IMMP2L: variants seen among roughly 807,000 people sequenced by gnomAD.
IMMP2L encodes inner mitochondrial membrane peptidase subunit 2.
A neutral mutation model predicts 19.3 loss-of-function variants in IMMP2L; 18 were observed. That is an observed-to-expected ratio of 0.93 (90% CI 0.64 to 1.38). The LOEUF is 1.38. IMMP2L is among the 40% of genes most tolerant of loss of function. IMMP2L has a pLI of 0.00. For missense variants in IMMP2L, 233 were observed against 218.2 expected (o/e 1.07, Z -0.43); for synonymous variants, 76 against 73.0 (o/e 1.04, Z -0.21).
intron 3 of IMMP2L, among the ~76,000 whole-genome samples, chr7:111,431,746 T>C (rs1236955431): frequency 6.6e-6 from 1 of 151,834 alleles, no homozygotes; most frequent in Non-Finnish European, 1.5e-5. Context: ...TTCTAAACTT[T>C]ATAAAAAAGT....
intron 3 of IMMP2L, among the ~76,000 whole-genome samples, chr7:111,379,199 C>T (rs1159800347): frequency 7.1e-6 from 1 of 141,122 alleles, no homozygotes; most frequent in Non-Finnish European, 1.5e-5. Context: ...TCAAGTAACC[C>T]TTATGGTAAA....
chr7:111,342,931 T>TATA (rs1201639884), intron 3 of IMMP2L, among the ~76,000 whole-genome samples: 1 of 152,028 alleles, frequency 6.6e-6, no homozygotes, highest in Non-Finnish European at 1.5e-5. Context: ...ACAAACCATG[T>TATA]ATATGCTAAA....
At chr7:111,332,207 GACCAAAATAAA>G (rs561286982) in intron 3 of IMMP2L, among the ~76,000 whole-genome samples, 1 of 151,458 alleles carries the variant, frequency 6.6e-6, no homozygotes, top group African/African-American at 2.4e-5. Flanking sequence ...ACATCATCTA[GACCAAAATAAA>G]ACCTTCCTAG....
chr7:111,561,080 A>G (rs1585706796), intron 1 of IMMP2L, among the ~76,000 whole-genome samples: 2 of 152,180 alleles, frequency 1.3e-5, no homozygotes, highest in Non-Finnish European at 2.9e-5. Context: ...ACCTTGTGAG[A>G]GGAGCTGTGT....
At chr7:110,855,677 T>C (rs2131556422) in intron 5 of IMMP2L, among the ~76,000 whole-genome samples, 1 of 152,178 alleles carries the variant, frequency 6.6e-6, no homozygotes, top group Admixed American at 6.6e-5. Context: ...GACATTTTTA[T>C]TTTCCCAATC....
chr7:111,280,262 T>C (rs1819543636), intron 3 of IMMP2L, among the ~76,000 whole-genome samples: 1 of 152,174 alleles, frequency 6.6e-6, no homozygotes. Flanking sequence ...TCACATTTGT[T>C]GTTCCCTCTG....
chr7:110,982,035 G>A lies in IMMP2L; in HGVS notation c.240-18470C>T, dbSNP rs144868434. ...ATTTTATTAGGACATTTAAGGTGAAGCATACATTGCAAGATCTTTTTCAAA... is the reference window on the plus strand; with the variant it reads ...ATTTTATTAGGACATTTAAGGTGAAACATACATTGCAAGATCTTTTTCAAA... On this transcript the variant is annotated intron_variant, in intron 3 of 5. Transcript: ENST00000405709. Among the ~76,000 whole-genome samples, 1,079 of 152,238 alleles carry A rather than the reference G, an allele frequency of 7.1e-3. 14 individuals carry two copies. Among genetic ancestry groups the A allele is most frequent in the African/African-American group, 0.025 (1,042 of 41,550 alleles).
intron 3 of IMMP2L, among the ~76,000 whole-genome samples, chr7:111,070,555 G>A (rs1794866096): frequency 6.6e-6 from 1 of 152,134 alleles, no homozygotes; most frequent in African/African-American, 2.4e-5. Context: ...AAAACTTAGA[G>A]TAAGTTGTTT....
At chr7:111,154,374 T>C (rs530364722) in intron 3 of IMMP2L, among the ~76,000 whole-genome samples, 1 of 152,212 alleles carries the variant, frequency 6.6e-6, no homozygotes, top group Admixed American at 6.5e-5. Context: ...ACATACATAT[T>C]TTTAGGATCT....
At chr7:111,294,952 A>G (rs778073453) in intron 3 of IMMP2L, among the ~76,000 whole-genome samples, 1 of 151,954 alleles carries the variant, frequency 6.6e-6, no homozygotes, top group African/African-American at 2.4e-5. Flanking sequence ...CTAATATTTT[A>G]GCCTATGAAA....
chr7:111,205,200 T>G (rs1243202707), intron 3 of IMMP2L, among the ~76,000 whole-genome samples: 2 of 152,128 alleles, frequency 1.3e-5, no homozygotes. Flanking sequence ...TTCCACCTCT[T>G]TTATAAGGTC....
chr7:111,065,060 T>C (rs1195942135), intron 3 of IMMP2L, among the ~76,000 whole-genome samples: 1 of 152,298 alleles, frequency 6.6e-6, no homozygotes, highest in Non-Finnish European at 1.5e-5. Flanking sequence ...GAATGGGTAG[T>C]ACAAGAAGGC....
chr7:111,517,245 T>G (rs1284660979), intron 2 of IMMP2L, among the ~76,000 whole-genome samples: 1 of 152,096 alleles, frequency 6.6e-6, no homozygotes, highest in African/African-American at 2.4e-5. Context: ...TGTATGTTAT[T>G]GATGAACAAA....
intron 3 of IMMP2L, among the ~76,000 whole-genome samples, chr7:111,337,467 T>C (rs1420201715): frequency 6.9e-6 from 1 of 143,912 alleles, no homozygotes; most frequent in Non-Finnish European, 1.5e-5. Context: ...GATGGATGGA[T>C]GGATGGATGG....
intron 4 of IMMP2L, among the ~76,000 whole-genome samples, chr7:110,932,036 A>G (rs1440869586): frequency 6.6e-6 from 1 of 152,100 alleles, no homozygotes; most frequent in Non-Finnish European, 1.5e-5. Flanking sequence ...CACTGAAACC[A>G]GTCAATGGCT....
At chr7:111,035,946 AACAGT>A in intron 3 of IMMP2L, among the ~76,000 whole-genome samples, 1 of 152,162 alleles carries the variant, frequency 6.6e-6, no homozygotes, top group Non-Finnish European at 1.5e-5. Context: ...TGGGAATGAC[AACAGT>A]ACTTACCTCA....
rs141117520 is a variant in IMMP2L, at chr7:111,334,843, A to T, written c.239+152395T>A. Among the ~76,000 whole-genome samples the T allele has an allele frequency of 5.6e-3, 855 of 152,154 alleles. 6 individuals carry two copies. Among genetic ancestry groups the T allele is most frequent in the Middle Eastern group, 0.017 (5 of 294 alleles). ...TTCTTCCATTTCCCTCACTTTTCCT[A>T]ACGTCTCTCAGTACACAGAAAAAAA... On this transcript the variant is annotated intron_variant, in intron 3 of 5. Coordinates refer to ENST00000405709, the MANE Select transcript of IMMP2L (RefSeq NM_032549.4).
chr7:111,025,654 C>T (rs1050205224), intron 3 of IMMP2L, among the ~76,000 whole-genome samples: 1 of 152,260 alleles, frequency 6.6e-6, no homozygotes, highest in African/African-American at 2.4e-5. Context: ...AGACAGTCCT[C>T]TCTGGGAGGG....
intron 3 of IMMP2L, among the ~76,000 whole-genome samples, chr7:111,433,370 C>T (rs184515133): frequency 4.0e-4 from 61 of 151,920 alleles, no homozygotes; most frequent in African/African-American, 1.5e-3. Flanking sequence ...CTGGGGAAGC[C>T]TCACAATCAT....
Sources: gnomAD v4.1 joint callset for allele counts (sites outside exome capture counted in the v4.1 genomes callset) on GRCh38, gnomAD v4.1.1 for gene constraint, MANE v1.5 for transcripts, NCBI Gene and HGNC (gene_info 2026-07-23, HGNC 2026-07-21) for gene names.